HCN2: variants seen among roughly 807,000 people sequenced by gnomAD.
HCN2 encodes potassium/sodium hyperpolarization-activated cyclic nucleotide-gated channel 2.
In HCN2, 20 loss-of-function variants were observed where a neutral mutation model predicts 52.3. The observed-to-expected ratio is 0.38, with a 90% CI of 0.27 to 0.56. The LOEUF (loss-of-function observed/expected upper bound fraction) is 0.56, where lower values mean the gene tolerates loss of function less well. Ranked by LOEUF, HCN2 falls within the 20% of genes least tolerant of loss-of-function variation. The pLI, the probability that HCN2 is intolerant of heterozygous loss-of-function variation, is 0.71. For missense variants in HCN2, 981 were observed against 1,207.7 expected (o/e 0.81, Z 2.78); for synonymous variants, 694 against 537.0 (o/e 1.29, Z -4.04).
At position 608,057 on chromosome 19, in the gene HCN2, A is replaced by G. The variant is rs1983482929; in HGVS notation, c.1312A>G (p.Met438Val). The change falls in exon 4 of 8, where the codon ATG (methionine) becomes GTG (valine). Residue 438 changes from methionine to valine, a missense_variant. Around this residue, in one of 6 missense-constraint regions of HCN2, gnomAD observed 282 missense variants for 553.8 expected, o/e 0.51. Coordinates refer to ENST00000251287, the MANE Select transcript of HCN2 (RefSeq NM_001194.4). ...IGYGRQAPES[M>V]TDIWLTMLSM... ...GTACGGCCGGCAGGCGCCCGAGAGC[A>G]TGACGGACATCTGGCTGACCATGCT... 6.2e-7 allele frequency: 1 copy of G among 1,613,066 alleles called. No individual in the cohort carries two copies. The highest frequency in any genetic ancestry group is 1.1e-5 in the South Asian group (1 of 91,078).
At position 608,011 on chromosome 19, in the gene HCN2, G is replaced by A; in HGVS notation, c.1266G>A (p.Met422Ile). 6.2e-7 allele frequency: 1 copy of A among 1,613,018 alleles called. No individual in the cohort carries two copies. Among genetic ancestry groups the A allele is most frequent in the Non-Finnish European group, 8.5e-7 (1 of 1,180,016 alleles). The change falls in exon 4 of 8, where the codon ATG becomes ATA. Residue 422 changes from methionine to isoleucine, a missense_variant. Transcript: ENST00000251287. ...ACTCCTTCGCACTCTTCAAGGCCAT[G>A]AGCCACATGCTGTGCATCGGGTACG... ...ELYSFALFKA[M>I]SHMLCIGYGR... is the part of the protein sequence containing the mutation.
chr19:609,536 C>T (rs1467374134), intron 4 of HCN2, among the ~76,000 whole-genome samples: 2 of 152,220 alleles, frequency 1.3e-5, no homozygotes, highest in African/African-American at 4.8e-5. Flanking sequence ...GAGGCCGAGA[C>T]AGGCCGATCG....
rs111344413 is a variant in HCN2, at chr19:593,749, T to C, written c.632+3172T>C. ...CATGCTGGGCGCTTCCCTGGGGTGC[T>C]GGTGGAAGAGCAAGTTCAAGGACCC... On this transcript the variant is annotated intron_variant, in intron 1 of 7. Coordinates refer to ENST00000251287, the MANE Select transcript of HCN2 (RefSeq NM_001194.4). Among the ~76,000 whole-genome samples, 944 of 152,262 alleles carry C rather than the reference T, an allele frequency of 6.2e-3. 5 individuals carry two copies. The highest frequency in any genetic ancestry group is 0.022 in the African/African-American group (898 of 41,536).
chr19:606,289 C>CG (rs935084713), intron 3 of HCN2, among the ~76,000 whole-genome samples: 15 of 152,074 alleles, frequency 9.9e-5, no homozygotes, highest in African/African-American at 2.4e-4. Flanking sequence ...TTAGTAGAGA[C>CG]GGGGTCTCGC....
At position 592,475 on chromosome 19, in the gene HCN2, T is replaced by A. The variant is rs1205665759; in HGVS notation, c.632+1898T>A. ...CCTTGGGCGTGGTCGCCTGGAGGCCTGGGCAGGCTGTGGCCCCGCTCTGTG... is the reference window on the plus strand; with the variant it reads ...CCTTGGGCGTGGTCGCCTGGAGGCCAGGGCAGGCTGTGGCCCCGCTCTGTG... On this transcript the variant is annotated intron_variant, in intron 1 of 7. Coordinates refer to ENST00000251287, the MANE Select transcript of HCN2 (RefSeq NM_001194.4). This position sits in a 1 kb window ranked among gnomAD's most constrained non-coding sequence, Gnocchi z 4.8. 6.6e-6 allele frequency among the ~76,000 whole-genome samples: 1 copy of A among 152,088 alleles called. No individual in the cohort carries two copies. The highest frequency in any genetic ancestry group is 1.5e-5 in the Non-Finnish European group (1 of 67,996).
In HCN2 at chr19:603,607, C is replaced by T. The variant is rs144482853; in HGVS notation, c.696C>T (p.Gly232=). Residue 232 remains glycine (G), a synonymous_variant, in exon 2 of 8, where the codon GGC becomes GGT. Coordinates refer to ENST00000251287, the MANE Select transcript of HCN2 (RefSeq NM_001194.4). Reference sequence around the variant, plus strand: ...GAAACCTCATCATCATCCCAGTGGGCATCACCTTCTTCAAGGATGAGACCA... The same window carrying T: ...GAAACCTCATCATCATCCCAGTGGGTATCACCTTCTTCAAGGATGAGACCA... ...MVGNLIIIPV[G]ITFFKDETTA... is the part of the protein sequence containing the mutation. 44 of 1,611,798 alleles carry T rather than the reference C, an allele frequency of 2.7e-5. No homozygotes were observed. Among genetic ancestry groups the T allele is most frequent in the Non-Finnish European group, 3.6e-5 (42 of 1,179,250 alleles).
Position 589,883 on chromosome 19 carries a change from CT to C in HCN2, c.-62del. 1 of 526,872 alleles carries C rather than the reference CT, an allele frequency of 1.9e-6. No homozygotes were observed. The highest frequency in any genetic ancestry group is 2.4e-6 in the Non-Finnish European group (1 of 422,018). The allele number at this position is 526,872 out of a possible 1,614,324, so 32.6% of individuals were successfully genotyped here. A position where few individuals can be genotyped will look rare whatever the true frequency, so the allele number is the denominator to read the frequency against. ...CGCCCCGCCCCCGCCTCCCCCCTCCCTCGGGCTCCGGCCGGCGGCGGCGGCG... is the reference window on the plus strand; with the variant it reads ...CGCCCCGCCCCCGCCTCCCCCCTCCCCGGGCTCCGGCCGGCGGCGGCGGCG... On this transcript the variant is annotated 5_prime_UTR_variant, in exon 1 of 8. Transcript: ENST00000251287.
chr19:609,508 G>A (rs1983534517), intron 4 of HCN2, among the ~76,000 whole-genome samples: 1 of 152,240 alleles, frequency 6.6e-6, no homozygotes, highest in Non-Finnish European at 1.5e-5. Context: ...GCTCCTGCCT[G>A]TAATCCCGGC....
intron 5 of HCN2, 145 bp downstream of exon 5, chr19:610,550 T>C: frequency 1.5e-6 from 1 of 666,364 alleles, no homozygotes. Flanking sequence ...GTACACACCC[T>C]CCCCTCCCCG....
At chr19:613,650 T>TGGGGCC (rs1289772496) in intron 6 of HCN2, among the ~76,000 whole-genome samples, 162 bp downstream of exon 6, 19 of 6,710 alleles carry the variant, frequency 2.8e-3, no homozygotes, top group African/African-American at 0.012. Flanking sequence ...GGGATGGGGA[T>TGGGGCC]GGGGATGGGG....
At position 610,706 on chromosome 19, in the gene HCN2, G is replaced by A. The variant is rs8105172; in HGVS notation, c.1584+301G>A. ...GGGAGGGAGGAGCCGCAGAGGCCCC[G>A]CTGAGCACCAGGTCCTGGGGGCACT... is the stretch of plus-strand genomic sequence containing the variant. On this transcript the variant is annotated intron_variant, in intron 5 of 7. Transcript: ENST00000251287. Among the ~76,000 whole-genome samples, 428 of 152,324 alleles carry A rather than the reference G, an allele frequency of 2.8e-3. 2 individuals carry two copies. The highest frequency in any genetic ancestry group is 9.5e-3 in the African/African-American group (394 of 41,576).
Position 613,950 on chromosome 19 carries a change from C to T in HCN2, c.1924C>T (p.Leu642=), listed in dbSNP as rs150914795. The T allele has an allele frequency of 1.9e-5, 30 of 1,563,516 alleles. No homozygotes were observed. The highest frequency in any genetic ancestry group is 3.1e-5 in the African/African-American group (2 of 64,022). Residue 642 remains leucine (L), a synonymous_variant, in exon 7 of 8, where the codon CTG becomes TTG. Coordinates refer to ENST00000251287, the MANE Select transcript of HCN2 (RefSeq NM_001194.4). ...SLSVDNFNEV[L]EEYPMMRRAF... Reference sequence around the variant, plus strand: ...GAGCGTGGACAACTTCAACGAGGTGCTGGAGGAGTACCCCATGATGCGGCG... The same window carrying T: ...GAGCGTGGACAACTTCAACGAGGTGTTGGAGGAGTACCCCATGATGCGGCG...
rs1215223650 is a variant in HCN2, at chr19:592,257, G to A, written c.632+1680G>A. On this transcript the variant is annotated intron_variant, in intron 1 of 7. Coordinates refer to ENST00000251287, the MANE Select transcript of HCN2 (RefSeq NM_001194.4). The surrounding 1 kb of genome is among the most constrained non-coding windows in gnomAD (Gnocchi z 4.8). The stretch of plus-strand genomic sequence containing the variant: ...CCCCTCCAGCATGACCTTCGACAGA[G>A]ATGGGTGCACCGCAGCGTGGGGGCT... Among the ~76,000 whole-genome samples, 2 of 152,210 alleles carry A rather than the reference G, an allele frequency of 1.3e-5. No homozygotes were observed. Among genetic ancestry groups the A allele is most frequent in the Non-Finnish European group, 2.9e-5 (2 of 68,036 alleles).
chr19:611,050 CTCT>C (rs1357618678), intron 5 of HCN2, among the ~76,000 whole-genome samples: 1 of 152,220 alleles, frequency 6.6e-6, no homozygotes, highest in East Asian at 1.9e-4. Context: ...GTGTCTCTGT[CTCT>C]TCTTGTAAAT....
chr19:601,918 C>G (rs947496525), intron 1 of HCN2, among the ~76,000 whole-genome samples: 2 of 152,044 alleles, frequency 1.3e-5, no homozygotes, highest in East Asian at 3.9e-4. Flanking sequence ...TGGACTCTGG[C>G]CGGGTGTATC....
In HCN2 at chr19:590,062, G is replaced by A. The variant is rs1402890548; in HGVS notation, c.117G>A (p.Pro39=). The part of the protein sequence containing the change: ...APPQQQPPPP[P]PPAPPPGPGP... Reference sequence around the variant, plus strand: ...CCCAACAGCAGCCGCCGCCGCCGCCGCCGCCCGCGCCCCCCCCGGGCCCCG... The same window carrying A: ...CCCAACAGCAGCCGCCGCCGCCGCCACCGCCCGCGCCCCCCCCGGGCCCCG... The change falls in exon 1 of 8, where the codon CCG becomes CCA. Residue 39 remains proline (P), a synonymous_variant. Coordinates refer to ENST00000251287, the MANE Select transcript of HCN2 (RefSeq NM_001194.4). The surrounding 1 kb of genome is among the most constrained non-coding windows in gnomAD (Gnocchi z 7.2). 7.8e-6 allele frequency: 5 copies of A among 637,054 alleles called. No homozygotes were observed. The highest frequency in any genetic ancestry group is 9.6e-6 in the Non-Finnish European group (5 of 522,430). The allele number at this position is 637,054 out of a possible 1,614,324, so 39.5% of individuals were successfully genotyped here.
In HCN2 at chr19:613,421, C is replaced by T. The variant is rs781471202; in HGVS notation, c.1758C>T (p.His586=). The T allele has an allele frequency of 5.4e-5, 87 of 1,611,614 alleles. 1 individual carries two copies. Among genetic ancestry groups the T allele is most frequent in the East Asian group, 1.1e-4 (5 of 44,836 alleles). Residue 586 remains histidine, a synonymous_variant, in exon 6 of 8, where the codon CAC becomes CAT. Coordinates refer to ENST00000251287, the MANE Select transcript of HCN2 (RefSeq NM_001194.4). ...GGAAGAAGATGTACTTCATCCAGCA[C>T]GGCGTGGTCAGCGTGCTCACTAAGG... is the stretch of plus-strand genomic sequence containing the variant. ...TIGKKMYFIQ[H]GVVSVLTKGN... is the part of the protein sequence containing the mutation.
rs950323018 is a variant in HCN2 at position 614,214 on chromosome 19, G to A, written c.1990+198G>A. Among the ~76,000 whole-genome samples, 75 of 152,286 alleles carry A rather than the reference G, an allele frequency of 4.9e-4. 1 individual carries two copies. The highest frequency in any genetic ancestry group is 9.7e-4 in the East Asian group (5 of 5,180). On this transcript the variant is annotated intron_variant, in intron 7 of 7. Coordinates refer to ENST00000251287, the MANE Select transcript of HCN2 (RefSeq NM_001194.4). The stretch of plus-strand genomic sequence containing the variant: ...GGGGCGTGGCTGGGGCAGGGGCAGC[G>A]GCTGGCCGCTCCTAGGACCCCTTTG...
At chr19:614,409 G>A (rs1362450551) in intron 7 of HCN2, among the ~76,000 whole-genome samples, 1 of 152,210 alleles carries the variant, frequency 6.6e-6, no homozygotes, top group East Asian at 1.9e-4. Context: ...GACTCCCAGG[G>A]AGGCTTATGG....
Sources: gnomAD v4.1 joint callset for allele counts (sites outside exome capture counted in the v4.1 genomes callset) on GRCh38, gnomAD v4.1.1 for gene constraint, gnomAD v4.1.1 regional missense constraint, Gnocchi (gnomAD v3.1) non-coding constraint, MANE v1.5 for transcripts, NCBI Gene and HGNC (gene_info 2026-07-23, HGNC 2026-07-21) for gene names.